The following GRIP2 variants were observed in gnomAD, a reference collection of about 807,000 sequenced individuals.
GRIP2 encodes glutamate receptor interacting protein 2.
A neutral mutation model predicts 108.3 loss-of-function variants in GRIP2; 58 were observed. That is an observed-to-expected ratio of 0.54 (90% CI 0.43 to 0.67). The LOEUF is 0.67. GRIP2 is among the 30% of genes least tolerant of loss of function. The probability of loss-of-function intolerance (pLI) is 0.00; values close to 1 mark genes in which losing one functional copy is unlikely to be tolerated. For missense variants in GRIP2, 1,278 were observed against 1,430.6 expected, an observed-to-expected ratio of 0.89 and a Z score of 1.72; for synonymous variants, 586 against 598.2, an observed-to-expected ratio of 0.98 and a Z score of 0.30.
the GRIP2 span, among the ~76,000 whole-genome samples, chr3:14,569,436 G>A: frequency 6.6e-6 from 1 of 152,180 alleles, no homozygotes; most frequent in Non-Finnish European, 1.5e-5. Context: ...CCCTGCCTTG[G>A]GGGAGTCCCA....
intron 1 of GRIP2, among the ~76,000 whole-genome samples, chr3:14,555,341 G>C (rs1695219954): frequency 6.6e-6 from 1 of 151,862 alleles, no homozygotes; most frequent in South Asian, 2.1e-4. Flanking sequence ...GGCCTCAACA[G>C]GAAGGAGAGA....
At chr3:14,594,367 A>T in the GRIP2 span, among the ~76,000 whole-genome samples, 1 of 152,012 alleles carries the variant, frequency 6.6e-6, no homozygotes, top group African/African-American at 2.4e-5. Context: ...GGAAGAGCAG[A>T]CTCGGGGCAC....
chr3:14,568,509 C>G, the GRIP2 span, among the ~76,000 whole-genome samples: 3 of 152,168 alleles, frequency 2.0e-5, no homozygotes, highest in South Asian at 2.1e-4. Flanking sequence ...GGATTAAAAC[C>G]CAGGCCATCT....
At chr3:14,531,981 C>T (rs989918787) in intron 1 of GRIP2, among the ~76,000 whole-genome samples, 1 of 152,090 alleles carries the variant, frequency 6.6e-6, no homozygotes, top group Non-Finnish European at 1.5e-5. Context: ...TGCACATGCC[C>T]CCGCCTGCCC....
intron 23 of GRIP2, among the ~76,000 whole-genome samples, chr3:14,494,320 T>G (rs1302875314): frequency 6.6e-6 from 1 of 152,202 alleles, no homozygotes; most frequent in African/African-American, 2.4e-5. Flanking sequence ...CATATAAATA[T>G]GGCAAAAAAC....
At chr3:14,520,316 A>C (rs1694369716) in intron 8 of GRIP2, 37 bp from the exon 9 acceptor site, 1 of 1,611,456 alleles carries the variant, frequency 6.2e-7, no homozygotes, top group African/African-American at 1.3e-5. Flanking sequence ...AGGCTGGTCC[A>C]GGCCAGACAA....
Position 14,525,502 on chromosome 3 carries a change from T to C in GRIP2, c.192A>G (p.Ser64=), listed in dbSNP as rs1335056943. ...GCTTTCCATCCTTGTCGGTGCCACCTGAGATAGTCAGGCCCAGCGTGCTGC... is the reference window on the plus strand; with the variant it reads ...GCTTTCCATCCTTGTCGGTGCCACCCGAGATAGTCAGGCCCAGCGTGCTGC... The part of the protein sequence containing the change: ...KEGSTLGLTI[S]GGTDKDGKPR... Residue 64 remains serine, a synonymous_variant, in exon 3 of 24, where the codon TCA becomes TCG. Transcript: ENST00000621039. 2.5e-6 allele frequency: 4 copies of C among 1,610,268 alleles called. No homozygotes were observed. Among genetic ancestry groups the C allele is most frequent in the Non-Finnish European group, 2.5e-6 (3 of 1,176,698 alleles).
rs761088824 is a variant in GRIP2, at chr3:14,517,116, A to C, written c.1254T>G (p.Pro418=). The stretch of plus-strand genomic sequence containing the variant: ...GCCTCCTCCGCCCCATTGTAGTTCG[A>C]GGACTCATGGGCTGGGATCCACGGG... ...TLPRGSQPMS[P]RTTMGRRRQR... Residue 418 remains proline, a synonymous_variant, in exon 11 of 24, where the codon CCT becomes CCG. Coordinates refer to ENST00000621039, the MANE Select transcript of GRIP2 (RefSeq NM_001080423.4). The C allele has an allele frequency of 1.9e-6, 3 of 1,609,302 alleles. No individual in the cohort carries two copies. The highest frequency in any genetic ancestry group is 2.5e-6 in the Non-Finnish European group (3 of 1,178,084).
chr3:14,529,080 C>T (rs1452736073), intron 1 of GRIP2, among the ~76,000 whole-genome samples: 2 of 149,298 alleles, frequency 1.3e-5, no homozygotes, highest in Non-Finnish European at 3.0e-5. Flanking sequence ...ACCATCCTGG[C>T]TAACACAGTG....
At chr3:14,543,233 T>C (rs1252610579), upstream of GRIP2, among the ~76,000 whole-genome samples, 1 of 152,202 alleles carries the variant, frequency 6.6e-6, no homozygotes, top group Non-Finnish European at 1.5e-5. Flanking sequence ...AGCATCTGCA[T>C]CACCCGGAGC....
the GRIP2 span, among the ~76,000 whole-genome samples, chr3:14,576,934 G>A: frequency 6.6e-6 from 1 of 152,182 alleles, no homozygotes; most frequent in African/African-American, 2.4e-5. Flanking sequence ...TTTCAGTCTT[G>A]CTTTGTTGAG....
intron 1 of GRIP2, among the ~76,000 whole-genome samples, chr3:14,527,437 AGG>A (rs1694591626): frequency 7.9e-6 from 1 of 126,830 alleles, no homozygotes; most frequent in South Asian, 3.1e-4. Context: ...AGGGGAGGGG[AGG>A]GAAGAGGGAG....
the GRIP2 span, among the ~76,000 whole-genome samples, chr3:14,575,858 CTG>C: frequency 6.6e-6 from 1 of 152,252 alleles, no homozygotes; most frequent in Non-Finnish European, 1.5e-5. Context: ...GGCCCATCCT[CTG>C]TGTGAGAAGT....
rs1384720786 is a variant in GRIP2, at chr3:14,540,079, T to A, written c.40+190A>T. ...CCTGGGGGAGGCTCAGCCATCCTGCTACAGGACAGTGGCCAGGGTCAGACA... is the reference window on the plus strand; with the variant it reads ...CCTGGGGGAGGCTCAGCCATCCTGCAACAGGACAGTGGCCAGGGTCAGACA... On this transcript the variant is annotated intron_variant, in intron 1 of 23. Transcript: ENST00000621039. This position sits in a 1 kb window ranked among gnomAD's most constrained non-coding sequence, Gnocchi z 4.1. Among the ~76,000 whole-genome samples, 1 of 152,060 alleles carries A rather than the reference T, an allele frequency of 6.6e-6. No individual in the cohort carries two copies. Among genetic ancestry groups the A allele is most frequent in the African/African-American group, 2.4e-5 (1 of 41,412 alleles).
the GRIP2 span, among the ~76,000 whole-genome samples, chr3:14,599,679 CTCTCTCTGTG>C: frequency 1.9e-5 from 2 of 106,976 alleles, no homozygotes; most frequent in African/African-American, 7.5e-5. Flanking sequence ...CTCTCTCTCT[CTCTCTCTGTG>C]TGTGTGTGTG....
rs560564359 is a variant in GRIP2 at position 14,517,831 on chromosome 3, C to G, written c.1097G>C (p.Arg366Pro). 5 of 1,604,994 alleles carry G rather than the reference C, an allele frequency of 3.1e-6. No homozygotes were observed. Among genetic ancestry groups the G allele is most frequent in the Admixed American group, 1.7e-5 (1 of 58,678 alleles). Residue 366 changes from arginine (R) to proline (P), a missense_variant, in exon 10 of 24, where the codon CGG (arginine) becomes CCG (proline). By Grantham distance (103) the Arg-to-Pro change is moderately radical. Transcript: ENST00000621039. ...GGTGGGCATCCTGCAGTGGCCGGGC[C>G]GGGGGCTGTGGCAGGAGGGCACGCA... The part of the protein sequence containing the change: ...DPCVPSCHSP[R>P]PGHCRMPTWA...
At chr3:14,506,318 C>T (rs954389259) in intron 19 of GRIP2, among the ~76,000 whole-genome samples, 3 of 152,128 alleles carry the variant, frequency 2.0e-5, no homozygotes, top group African/African-American at 7.2e-5. Context: ...ACTCAGACGT[C>T]TCCCTGCGGC....
At chr3:14,516,817 A>T (rs1444479768) in intron 11 of GRIP2, among the ~76,000 whole-genome samples, 1 of 152,188 alleles carries the variant, frequency 6.6e-6, no homozygotes, top group Non-Finnish European at 1.5e-5. Context: ...GGAATTTTTC[A>T]TAATAAAAAT....
chr3:14,587,646 A>C, the GRIP2 span, among the ~76,000 whole-genome samples: 3 of 151,864 alleles, frequency 2.0e-5, no homozygotes, highest in African/African-American at 7.3e-5. Flanking sequence ...CTCCAAAAAA[A>C]AAAAAAAAAC....
Sources: allele counts gnomAD v4.1 joint callset (sites outside exome capture counted in the v4.1 genomes callset), GRCh38; gene constraint gnomAD v4.1.1; non-coding constraint Gnocchi (gnomAD v3.1); transcripts MANE v1.5; gene names NCBI Gene and HGNC (gene_info 2026-07-23, HGNC 2026-07-21).